The following SFRP4 variants were observed in gnomAD, a reference collection of about 807,000 sequenced individuals.
SFRP4 encodes secreted frizzled-related protein 4.
A neutral mutation model predicts 36.3 loss-of-function variants in SFRP4; 25 were observed. The observed-to-expected ratio is 0.69, with a 90% CI of 0.50 to 0.96. The LOEUF (loss-of-function observed/expected upper bound fraction) is 0.96. Ranked by LOEUF, SFRP4 falls within the 40% of genes least tolerant of loss-of-function variation. The probability of loss-of-function intolerance (pLI) is 0.00; values close to 1 mark genes in which losing one functional copy is unlikely to be tolerated. For synonymous variants in SFRP4, 182 were observed against 168.8 expected (o/e 1.08, Z -0.60); for missense variants, 487 against 459.6 (o/e 1.06, Z -0.54).
At position 37,914,194 on chromosome 7, in the gene SFRP4, GCT is replaced by G; in HGVS notation, c.592+17_592+18del. On this transcript the variant is annotated intron_variant, in intron 3 of 5. Coordinates refer to ENST00000436072, the MANE Select transcript of SFRP4 (RefSeq NM_003014.4). The stretch of plus-strand genomic sequence containing the variant: ...ATGAACCAAGTCTCAAAAGTAAATG[GCT>G]TTAACAGACGACTTACCATAGCTGT... The G allele has an allele frequency of 1.2e-6, 2 of 1,601,728 alleles. No individual in the cohort carries two copies. The highest frequency in any genetic ancestry group is 1.7e-6 in the Non-Finnish European group (2 of 1,168,792).
intron 1 of SFRP4, 108 bp downstream of exon 1, chr7:37,915,985 C>T: frequency 6.8e-7 from 1 of 1,478,466 alleles, no homozygotes; most frequent in South Asian, 1.4e-5. Context: ...CCACCTCCTA[C>T]AAGCCTCAGA....
Position 37,916,661 on chromosome 7 carries a change from C to T in SFRP4, c.-124G>A, listed in dbSNP as rs1562852372. On this transcript the variant is annotated 5_prime_UTR_variant, in exon 1 of 6. Transcript: ENST00000436072. This position sits in a 1 kb window ranked among gnomAD's most constrained non-coding sequence, Gnocchi z 4.1. ...TCTGGGGCGCAGGAGAGTTTCTTCC[C>T]CCAAACTCCAGTCGGCAGCAAAGCG... The T allele has an allele frequency of 2.2e-6, 3 of 1,389,964 alleles. No homozygotes were observed. Among genetic ancestry groups the T allele is most frequent in the Non-Finnish European group, 2.9e-6 (3 of 1,047,964 alleles). The allele number at this position is 1,389,964 out of a possible 1,614,324, so 86.1% of individuals were successfully genotyped here. A position where few individuals can be genotyped will look rare whatever the true frequency, so the allele number is the denominator to read the frequency against.
chr7:37,907,721 AGCTAAT>A, intron 5 of SFRP4, 57 bp from the exon 6 acceptor site: 1 of 1,339,452 alleles, frequency 7.5e-7, no homozygotes, highest in South Asian at 1.4e-5. Context: ...TATGGTGCTC[AGCTAAT>A]GTGAAAATTA....
rs756492138 is a variant in SFRP4, at chr7:37,914,353, T to C, written c.526+20A>G. 9.9e-6 allele frequency: 16 copies of C among 1,611,162 alleles called. No homozygotes were observed. Among genetic ancestry groups the C allele is most frequent in the East Asian group, 2.2e-5 (1 of 44,872 alleles). On this transcript the variant is annotated intron_variant, in intron 2 of 5. Transcript: ENST00000436072. ...CTGGAGAGGAGAAGTAGAGGGAACG[T>C]CCATGAAGAAAGAACTCACCGGGGC...
At chr7:37,915,039 C>A (rs1399471262) in intron 1 of SFRP4, among the ~76,000 whole-genome samples, 3 of 152,166 alleles carry the variant, frequency 2.0e-5, no homozygotes, top group Non-Finnish European at 4.4e-5. Flanking sequence ...CTGGTATATA[C>A]AACCAAACTG....
rs138916893 is a variant in SFRP4, at chr7:37,916,403, G to A, written c.135C>T (p.His45=). 3.9e-4 allele frequency: 633 copies of A among 1,614,010 alleles called. No homozygotes were observed. The highest frequency in any genetic ancestry group is 1.1e-3 in the Admixed American group (66 of 60,008). The change falls in exon 1 of 6, where the codon CAC becomes CAT. Residue 45 remains histidine, a synonymous_variant. Transcript: ENST00000436072. The surrounding 1 kb of genome is among the most constrained non-coding windows in gnomAD (Gnocchi z 4.1). ...MPWNITRMPN[H]LHHSTQENAI... is the part of the protein sequence containing the mutation. ...CGTTCTCCTGCGTGCTGTGGTGCAG[G>A]TGGTTGGGCATCCGCGTGATGTTCC...
chr7:37,914,219 T>TGTA lies in SFRP4; in HGVS notation c.583_585dup (p.Tyr195dup), dbSNP rs1321146910. ...GCTTTAACAGACGACTTACCATAGC[T>TGTA]GTAGTTTTTGCTGAGATACGTTGCC... On this transcript the variant is annotated inframe_insertion, in exon 3 of 6. Transcript: ENST00000436072. 1 of 1,613,282 alleles carries TGTA rather than the reference T, an allele frequency of 6.2e-7. No individual in the cohort carries two copies. Among genetic ancestry groups the TGTA allele is most frequent in the African/African-American group, 1.3e-5 (1 of 74,904 alleles).
Position 37,912,238 on chromosome 7 carries a change from G to A in SFRP4, c.672C>T (p.Phe224=). The stretch of plus-strand genomic sequence containing the variant: ...TTCGAGGGATGGGTGATGAGGACTT[G>A]AAGATCTCTTTTACATCCACCACCG... ...VTTVVDVKEI[F]KSSSPIPRTQ... Residue 224 remains phenylalanine (F), a synonymous_variant, in exon 4 of 6, where the codon TTC becomes TTT. Transcript: ENST00000436072. 1.2e-6 allele frequency: 2 copies of A among 1,614,108 alleles called. No individual in the cohort carries two copies. Among genetic ancestry groups the A allele is most frequent in the Non-Finnish European group, 1.7e-6 (2 of 1,179,938 alleles).
At chr7:37,912,407 A>G (rs1376147538) in intron 3 of SFRP4, 90 bp from the exon 4 acceptor site, 2 of 998,998 alleles carry the variant, frequency 2.0e-6, no homozygotes, top group African/African-American at 1.6e-5. Flanking sequence ...AGCCTCTCTT[A>G]AAGAATCACT....
chr7:37,912,055 GCTAA>G (rs1785496508), intron 4 of SFRP4, 60 bp downstream of exon 4: 2 of 1,276,198 alleles, frequency 1.6e-6, no homozygotes, highest in East Asian at 2.3e-5. Flanking sequence ...AACCATGACT[GCTAA>G]CTGAGATTGA....
At chr7:37,915,134 A>G (rs1785552949) in intron 1 of SFRP4, among the ~76,000 whole-genome samples, 1 of 152,248 alleles carries the variant, frequency 6.6e-6, no homozygotes, top group Non-Finnish European at 1.5e-5. Context: ...AATAACCAAA[A>G]TATTTCCAAA....
intron 1 of SFRP4, 35 bp from the exon 2 acceptor site, chr7:37,914,488 G>GTGATTT: frequency 2.6e-6 from 4 of 1,529,150 alleles, no homozygotes; most frequent in Non-Finnish European, 3.6e-6. Flanking sequence ...GGCGTGGTTG[G>GTGATTT]TGATTTGGTC....
chr7:37,908,301 G>A (rs1174674763), intron 5 of SFRP4, among the ~76,000 whole-genome samples: 1 of 152,124 alleles, frequency 6.6e-6, no homozygotes, highest in Non-Finnish European at 1.5e-5. Flanking sequence ...GCTCAAGTAA[G>A]GAACAATAAA....
rs749370781 is a variant in SFRP4, at chr7:37,909,705, C to T, written c.792-25G>A. ...CCTGAAAAAAAATTATCTTAGTAAA[C>T]AGATTTTTATTACAAAAGTAAACAG... On this transcript the variant is annotated intron_variant, in intron 4 of 5. Transcript: ENST00000436072. 9 of 1,394,008 alleles carry T rather than the reference C, an allele frequency of 6.5e-6. No homozygotes were observed. The Admixed American group carries it at 1.7e-4, about 26-fold the overall frequency. 86.4% of individuals were successfully genotyped at this position (1,394,008 alleles called of 1,614,324 possible).
intron 5 of SFRP4, among the ~76,000 whole-genome samples, chr7:37,909,055 C>T (rs770299291): frequency 6.6e-6 from 1 of 152,074 alleles, no homozygotes; most frequent in Non-Finnish European, 1.5e-5. Flanking sequence ...GGTATAATTT[C>T]ACATCTCTGG....
At position 37,916,125 on chromosome 7, in the gene SFRP4, G is replaced by A. The variant is rs774089133; in HGVS notation, c.413C>T (p.Ser138Leu). The change falls in exon 1 of 6, where the codon TCG becomes TTG. Residue 138 changes from serine to leucine, a missense_variant. Ser to Leu is a moderately radical substitution (Grantham distance 145). Transcript: ENST00000436072. The surrounding 1 kb of genome is among the most constrained non-coding windows in gnomAD (Gnocchi z 4.1). ...LPVYDRGVCISPEAIVTDLPE... is the reference protein window; with the variant it reads ...LPVYDRGVCILPEAIVTDLPE... ...GAGGTCCGTGACGATGGCTTCAGGC[G>A]AGATGCACACGCCACGGTCATAGAC... 6.2e-7 allele frequency: 1 copy of A among 1,613,900 alleles called. No individual in the cohort carries two copies. The highest frequency in any genetic ancestry group is 8.5e-7 in the Non-Finnish European group (1 of 1,179,978).
Position 37,906,197 on chromosome 7 carries a change from T to C in SFRP4, c.*1282A>G, listed in dbSNP as rs891497828. ...CATAAGAAACACCTGGAGAATAATATGCCAAAATACTAATAGTGATTACCT... is the reference window on the plus strand; with the variant it reads ...CATAAGAAACACCTGGAGAATAATACGCCAAAATACTAATAGTGATTACCT... On this transcript the variant is annotated 3_prime_UTR_variant, in exon 6 of 6. Coordinates refer to ENST00000436072, the MANE Select transcript of SFRP4 (RefSeq NM_003014.4). The C allele has an allele frequency of 2.0e-5, 3 of 152,206 alleles. No homozygotes were observed. The highest frequency in any genetic ancestry group is 4.4e-5 in the Non-Finnish European group (3 of 68,030). 9.4% of individuals were successfully genotyped at this position (152,206 alleles called of 1,614,324 possible).
chr7:37,907,706 C>A, intron 5 of SFRP4, 42 bp from the exon 6 acceptor site: 1 of 1,449,788 alleles, frequency 6.9e-7, no homozygotes, highest in Non-Finnish European at 9.5e-7. Context: ...ATTATCTCAC[C>A]CCTTTATGGT....
intron 5 of SFRP4, among the ~76,000 whole-genome samples, chr7:37,908,829 C>A (rs1051652980): frequency 2.0e-5 from 3 of 152,188 alleles, no homozygotes; most frequent in African/African-American, 7.2e-5. Flanking sequence ...CACTGACTAG[C>A]GGAGGCTGTG....
Sources: allele counts gnomAD v4.1 joint callset (sites outside exome capture counted in the v4.1 genomes callset), GRCh38; gene constraint gnomAD v4.1.1; non-coding constraint Gnocchi (gnomAD v3.1); transcripts MANE v1.5; gene names NCBI Gene and HGNC (gene_info 2026-07-23, HGNC 2026-07-21).